ARMC3: variants seen among roughly 807,000 people sequenced by gnomAD.
ARMC3 encodes armadillo repeat containing 3.
A neutral mutation model predicts 90.3 loss-of-function variants in ARMC3; 74 were observed. The ratio of observed to expected loss-of-function variants is 0.82; its 90% CI spans 0.68 to 0.99. The LOEUF is 0.99. ARMC3 is among the 50% of genes least tolerant of loss of function. ARMC3 has a pLI of 0.00. For missense variants in ARMC3, 958 were observed against 1,042.8 expected (o/e 0.92, Z 1.12); for synonymous variants, 334 against 361.8 (o/e 0.92, Z 0.87).
At chr10:23,026,842 G>A (rs1230477984) in intron 16 of ARMC3, among the ~76,000 whole-genome samples, 1 of 152,112 alleles carries the variant, frequency 6.6e-6, no homozygotes, top group East Asian at 1.9e-4. Context: ...CCCTCAAGTC[G>A]AATTGCCCCA....
chr10:23,020,253 G>A (rs185268647), intron 16 of ARMC3, among the ~76,000 whole-genome samples: 3 of 152,108 alleles, frequency 2.0e-5, no homozygotes, highest in South Asian at 4.2e-4. Flanking sequence ...TTAGCCTCCC[G>A]AGTAGCTGGG....
intron 2 of ARMC3, among the ~76,000 whole-genome samples, chr10:22,938,057 C>T (rs1834179323): frequency 6.6e-6 from 1 of 152,068 alleles, no homozygotes; most frequent in Non-Finnish European, 1.5e-5. Flanking sequence ...GTGATACGAT[C>T]AATGAAGAAA....
At chr10:23,026,519 C>CA (rs1469814765) in intron 16 of ARMC3, among the ~76,000 whole-genome samples, 1 of 151,710 alleles carries the variant, frequency 6.6e-6, no homozygotes, top group East Asian at 1.9e-4. Flanking sequence ...AAGCATTTGG[C>CA]AAAATTCAAC....
At chr10:23,035,432 G>A (rs7898656) in intron 18 of ARMC3, among the ~76,000 whole-genome samples, 22,209 of 152,020 alleles carry the variant, frequency 0.15, 1,748 homozygotes, top group African/African-American at 0.16. Flanking sequence ...TCTCAACTGA[G>A]TCATGCAATT....
intron 16 of ARMC3, among the ~76,000 whole-genome samples, chr10:23,016,300 T>G (rs1298911685): frequency 6.6e-6 from 1 of 152,182 alleles, no homozygotes; most frequent in African/African-American, 2.4e-5. Context: ...TGTCCTAAAA[T>G]TATGTATTTC....
chr10:23,027,280 G>A (rs1226744754), intron 16 of ARMC3, among the ~76,000 whole-genome samples: 1 of 152,112 alleles, frequency 6.6e-6, no homozygotes, highest in Non-Finnish European at 1.5e-5. Flanking sequence ...ATTTATCTAA[G>A]TCTTCTTTGA....
intron 3 of ARMC3, among the ~76,000 whole-genome samples, chr10:22,948,242 A>C (rs1205083151): frequency 2.0e-5 from 3 of 152,102 alleles, no homozygotes; most frequent in African/African-American, 7.2e-5. Context: ...ATCCTGGGTC[A>C]AATTTCAGGG....
chr10:22,998,407 T>G lies in ARMC3; in HGVS notation c.1425+10T>G, dbSNP rs1314267057. 1 of 1,613,294 alleles carries G rather than the reference T, an allele frequency of 6.2e-7. No individual in the cohort carries two copies. The highest frequency in any genetic ancestry group is 1.3e-5 in the African/African-American group (1 of 74,912). ...TGAAGCCCGGACTGAGGTGAGAATT[T>G]TAATAACATGTGTTCTCTCATTTTT... On this transcript the variant is annotated intron_variant, in intron 11 of 18. Coordinates refer to ENST00000298032, the MANE Select transcript of ARMC3 (RefSeq NM_173081.5).
At chr10:22,941,213 A>G (rs1588816496) in intron 2 of ARMC3, among the ~76,000 whole-genome samples, 2 of 152,304 alleles carry the variant, frequency 1.3e-5, no homozygotes. Context: ...ATCAACTGCA[A>G]TGAGGCAGGA....
chr10:22,929,191 C>A (rs139911525), intron 1 of ARMC3, among the ~76,000 whole-genome samples: 1 of 150,320 alleles, frequency 6.7e-6, no homozygotes, highest in Non-Finnish European at 1.5e-5. Context: ...AGGCCACTCT[C>A]CAGCCTGGGC....
chr10:22,933,986 G>T lies in ARMC3; in HGVS notation c.48+1942G>T, dbSNP rs1349031820. Among the ~76,000 whole-genome samples, 8 of 152,268 alleles carry T rather than the reference G, an allele frequency of 5.3e-5. No individual in the cohort carries two copies. The South Asian group carries it at 1.5e-3, about 28-fold the overall frequency. On this transcript the variant is annotated intron_variant, in intron 2 of 18. Coordinates refer to ENST00000298032, the MANE Select transcript of ARMC3 (RefSeq NM_173081.5). ...ACAGTATTTGTTTTCATACTTCAAA[G>T]CAGTATGCCACAATTTACAGTATCT...
chr10:22,945,258 T>G (rs1283623672), intron 2 of ARMC3, among the ~76,000 whole-genome samples: 1 of 152,220 alleles, frequency 6.6e-6, no homozygotes. Context: ...AAGATGTCTA[T>G]ATAGGAATGC....
In ARMC3 at chr10:22,975,359, A is replaced by G. The variant is rs560132365; in HGVS notation, c.917-5981A>G. Among the ~76,000 whole-genome samples, 251 of 152,344 alleles carry G rather than the reference A, an allele frequency of 1.6e-3. 2 individuals are homozygous for G. The highest frequency in any genetic ancestry group is 3.4e-3 in the Middle Eastern group (1 of 294). On this transcript the variant is annotated intron_variant, in intron 8 of 18. Coordinates refer to ENST00000298032, the MANE Select transcript of ARMC3 (RefSeq NM_173081.5). ...CACCTGAGGTCAGGAGTTCAAGGCC[A>G]GCCTGGCCAACATGGTGAAACCGTG... is the stretch of plus-strand genomic sequence containing the variant.
intron 16 of ARMC3, among the ~76,000 whole-genome samples, chr10:23,010,488 TC>T: frequency 2.7e-5 from 1 of 37,618 alleles, no homozygotes; most frequent in Non-Finnish European, 4.8e-5. Context: ...CCTCCCTCCT[TC>T]CTTTCCCTCC....
At chr10:22,973,606 C>G (rs1198273878) in intron 8 of ARMC3, among the ~76,000 whole-genome samples, 1 of 150,944 alleles carries the variant, frequency 6.6e-6, no homozygotes, top group Non-Finnish European at 1.5e-5. Flanking sequence ...CAGAGTTTAT[C>G]TTTTAGTTCA....
Position 22,995,717 on chromosome 10 carries a change from C to A in ARMC3, c.1176-2431C>A, listed in dbSNP as rs182176734. Among the ~76,000 whole-genome samples, 33 of 152,248 alleles carry A rather than the reference C, an allele frequency of 2.2e-4. No individual in the cohort carries two copies. The East Asian group carries it at 5.6e-3, about 26-fold the overall frequency. Reference sequence around the variant, plus strand: ...GTTCGGATATACCTGATGTAAATTCCTGTATTTCCATGATCCAATTTTTCT... The same window carrying A: ...GTTCGGATATACCTGATGTAAATTCATGTATTTCCATGATCCAATTTTTCT... On this transcript the variant is annotated intron_variant, in intron 10 of 18. Coordinates refer to ENST00000298032, the MANE Select transcript of ARMC3 (RefSeq NM_173081.5).
intron 4 of ARMC3, among the ~76,000 whole-genome samples, chr10:22,957,127 G>A (rs942689215): frequency 1.3e-5 from 2 of 151,966 alleles, no homozygotes; most frequent in South Asian, 2.1e-4. Flanking sequence ...TACTTTCCCC[G>A]TCTTATGATA....
chr10:22,940,130 G>A (rs1035410380), intron 2 of ARMC3, among the ~76,000 whole-genome samples: 2 of 152,180 alleles, frequency 1.3e-5, no homozygotes, highest in African/African-American at 4.8e-5. Context: ...CAGCACCTAT[G>A]TTAATACCAA....
At chr10:23,036,938 T>C (rs1839146227) in intron 18 of ARMC3, among the ~76,000 whole-genome samples, 1 of 152,134 alleles carries the variant, frequency 6.6e-6, no homozygotes, top group Non-Finnish European at 1.5e-5. Flanking sequence ...GCCCAGAAGT[T>C]TGGAAAGATG....
Sources: allele counts gnomAD v4.1 joint callset (sites outside exome capture counted in the v4.1 genomes callset), GRCh38; gene constraint gnomAD v4.1.1; transcripts MANE v1.5; gene names NCBI Gene and HGNC (gene_info 2026-07-23, HGNC 2026-07-21).